The following POLI variants were observed in gnomAD, a reference collection of about 807,000 sequenced individuals.
POLI encodes the protein DNA polymerase iota, also known as RAD30 homolog B.
A neutral mutation model predicts 51.6 loss-of-function variants in POLI; 58 were observed. The ratio of observed to expected loss-of-function variants is 1.12; its 90% CI spans 0.91 to 1.40. POLI has a LOEUF of 1.40. Ranked by LOEUF, POLI falls within the 40% of genes most tolerant of loss-of-function variation. The probability of loss-of-function intolerance (pLI) is 0.00; values close to 1 mark genes in which losing one functional copy is unlikely to be tolerated. For missense variants in POLI, 921 were observed against 871.3 expected (o/e 1.06, Z -0.72); for synonymous variants, 322 against 299.7 (o/e 1.07, Z -0.77).
rs774044588 is a variant in POLI, at chr18:54,296,826, C to G, written c.*2359C>G. On this transcript the variant is annotated 3_prime_UTR_variant, in exon 10 of 10. Coordinates refer to ENST00000579534, the MANE Select transcript of POLI (RefSeq NM_007195.3). ...TTTTTAACTTCCCGTTTACTCATTA[C>G]AGTCCCTTGTAAGTCTGTTTCTAAT... The G allele has an allele frequency of 4.9e-5, 29 of 592,204 alleles. No individual in the cohort carries two copies. The highest frequency in any genetic ancestry group is 5.9e-5 in the Non-Finnish European group (28 of 473,558). The allele number at this position is 592,204 out of a possible 1,614,324, so 36.7% of individuals were successfully genotyped here. A position where few individuals can be genotyped will look rare whatever the true frequency, so the allele number is the denominator to read the frequency against.
intron 4 of POLI, among the ~76,000 whole-genome samples, chr18:54,278,668 A>T (rs1398550877): frequency 6.6e-6 from 1 of 152,226 alleles, no homozygotes; most frequent in Non-Finnish European, 1.5e-5. Flanking sequence ...TCCTTCATAT[A>T]TTGAGATATG....
In POLI at chr18:54,297,877, T is replaced by G; in HGVS notation, c.*3410T>G. 2 of 981,356 alleles carry G rather than the reference T, an allele frequency of 2.0e-6. No homozygotes were observed. Among genetic ancestry groups the G allele is most frequent in the Non-Finnish European group, 2.4e-6 (2 of 826,164 alleles). The allele number at this position is 981,356 out of a possible 1,614,324, so 60.8% of individuals were successfully genotyped here. A position where few individuals can be genotyped will look rare whatever the true frequency, so the allele number is the denominator to read the frequency against. ...TGATGGGACATGGTGGGGGCTTACCTTTTTTCTTGTGTGTCAGATGTTCCT... is the reference window on the plus strand; with the variant it reads ...TGATGGGACATGGTGGGGGCTTACCGTTTTTCTTGTGTGTCAGATGTTCCT... On this transcript the variant is annotated 3_prime_UTR_variant, in exon 10 of 10. Coordinates refer to ENST00000579534, the MANE Select transcript of POLI (RefSeq NM_007195.3).
chr18:54,279,418 T>C (rs1254175816), intron 4 of POLI, among the ~76,000 whole-genome samples: 1 of 152,076 alleles, frequency 6.6e-6, no homozygotes, highest in Non-Finnish European at 1.5e-5. Context: ...AATTTTTTTA[T>C]TTTTAGTAGA....
intron 3 of POLI, among the ~76,000 whole-genome samples, chr18:54,315,879 A>G (rs2088728485): frequency 6.6e-6 from 1 of 151,498 alleles, no homozygotes; most frequent in South Asian, 2.1e-4. Flanking sequence ...AAGACAGCAG[A>G]CAGTTGGGTC....
In POLI at chr18:54,297,113, G is replaced by A. The variant is rs2088369200; in HGVS notation, c.*2646G>A. On this transcript the variant is annotated 3_prime_UTR_variant, in exon 10 of 10. Coordinates refer to ENST00000579534, the MANE Select transcript of POLI (RefSeq NM_007195.3). The stretch of plus-strand genomic sequence containing the variant: ...CCTGATTGAATGCCTTGTCTTAAGT[G>A]TAAGCTCCCTGACCCTTACTACTAG... The A allele has an allele frequency of 1.0e-6, 1 of 985,256 alleles. No individual in the cohort carries two copies. Among genetic ancestry groups the A allele is most frequent in the Non-Finnish European group, 1.2e-6 (1 of 829,928 alleles). 61.0% of individuals were successfully genotyped at this position (985,256 alleles called of 1,614,324 possible). A position where few individuals can be genotyped will look rare whatever the true frequency, so the allele number is the denominator to read the frequency against.
At chr18:54,307,780 C>T (rs2088612299) in intron 3 of POLI, among the ~76,000 whole-genome samples, 1 of 152,092 alleles carries the variant, frequency 6.6e-6, no homozygotes, top group Non-Finnish European at 1.5e-5. Flanking sequence ...GTATTGGGTG[C>T]ATATATATTT....
At chr18:54,314,153 C>T (rs1363244375) in intron 3 of POLI, among the ~76,000 whole-genome samples, 1 of 152,102 alleles carries the variant, frequency 6.6e-6, no homozygotes, top group African/African-American at 2.4e-5. Context: ...GGGCTTTTAT[C>T]ATGAGGGGAT....
At chr18:54,314,238 A>T (rs910813933) in intron 3 of POLI, among the ~76,000 whole-genome samples, 1 of 151,564 alleles carries the variant, frequency 6.6e-6, no homozygotes, top group Non-Finnish European at 1.5e-5. Context: ...TCTTCCTGGG[A>T]TGCAAAGTTG....
chr18:54,297,670 G>T lies in POLI; in HGVS notation c.*3203G>T. 1.0e-6 allele frequency: 1 copy of T among 975,358 alleles called. No individual in the cohort carries two copies. The highest frequency in any genetic ancestry group is 1.2e-6 in the Non-Finnish European group (1 of 820,908). 60.4% of individuals were successfully genotyped at this position (975,358 alleles called of 1,614,324 possible). On this transcript the variant is annotated 3_prime_UTR_variant, in exon 10 of 10. Coordinates refer to ENST00000579534, the MANE Select transcript of POLI (RefSeq NM_007195.3). ...TTTAATCATATATTTTCCCTTTACT[G>T]ATTTGGAATGTGAATGTTACAAGTC... is the stretch of plus-strand genomic sequence containing the variant.
At chr18:54,288,333 G>T (rs1011083149) in intron 8 of POLI, among the ~76,000 whole-genome samples, 1 of 151,930 alleles carries the variant, frequency 6.6e-6, no homozygotes, top group Non-Finnish European at 1.5e-5. Context: ...TCTGTTTTCT[G>T]TTAGAAGTTT....
At chr18:54,284,685 A>G (rs184462355) in intron 7 of POLI, 1 of 152,538 alleles carries the variant, frequency 6.6e-6, no homozygotes, top group African/African-American at 2.4e-5. Context: ...AATGGAGTCG[A>G]AGGAAAGAAT....
At chr18:54,317,449 G>T (rs1053329271) in intron 3 of POLI, among the ~76,000 whole-genome samples, 1 of 152,154 alleles carries the variant, frequency 6.6e-6, no homozygotes, top group Non-Finnish European at 1.5e-5. Context: ...AAAAAATGAA[G>T]TATATTAAGA....
Position 54,313,438 on chromosome 18 carries a change from G to C in POLI, c.334-6835G>C, listed in dbSNP as rs551233906. Among the ~76,000 whole-genome samples, 101 of 152,118 alleles carry C rather than the reference G, an allele frequency of 6.6e-4. 1 individual carries two copies. Among genetic ancestry groups the C allele is most frequent in the African/African-American group, 2.4e-3 (99 of 41,520 alleles). ...GCTTAGGATTGCTTTGGCTATTTGG[G>C]CTTTTTTTTGGTTTTGTATGAATTT... On this transcript the variant is annotated intron_variant, in intron 3 of 4. Coordinates refer to the POLI transcript ENST00000579823.
intron 7 of POLI, 71 bp from the exon 8 acceptor site, chr18:54,287,210 A>G (rs2087787218): frequency 9.0e-7 from 1 of 1,114,340 alleles, no homozygotes; most frequent in South Asian, 1.5e-5. Flanking sequence ...CTTTAGATAA[A>G]TGAGATGTTA....
intron 7 of POLI, among the ~76,000 whole-genome samples, chr18:54,285,192 A>G (rs977484212): frequency 2.0e-5 from 3 of 152,180 alleles, no homozygotes; most frequent in Admixed American, 1.3e-4. Flanking sequence ...CTCCCGTGAT[A>G]TGACTCAGGC....
downstream of POLI, among the ~76,000 whole-genome samples, chr18:54,300,688 A>G (rs1036269991): frequency 1.3e-5 from 2 of 152,174 alleles, no homozygotes; most frequent in African/African-American, 4.8e-5. Flanking sequence ...TGCATGAAAA[A>G]GTAGGACCCA....
chr18:54,292,886 A>G (rs1436627807), intron 9 of POLI, among the ~76,000 whole-genome samples: 4 of 152,074 alleles, frequency 2.6e-5, no homozygotes, highest in African/African-American at 9.6e-5. Flanking sequence ...AATTGGAATT[A>G]AAAGTGCTCA....
intron 3 of POLI, among the ~76,000 whole-genome samples, chr18:54,314,872 T>G (rs1739053831): frequency 1.3e-5 from 2 of 152,072 alleles, no homozygotes; most frequent in Non-Finnish European, 2.9e-5. Flanking sequence ...GTTAATCTGA[T>G]TAGTGGTCTA....
At chr18:54,309,669 A>G (rs1340812219) in intron 3 of POLI, among the ~76,000 whole-genome samples, 4 of 152,186 alleles carry the variant, frequency 2.6e-5, no homozygotes, top group African/African-American at 9.6e-5. Context: ...TAGTTCAGCT[A>G]TGCCCTGCCC....
Sources: gnomAD v4.1 joint callset for allele counts (sites outside exome capture counted in the v4.1 genomes callset) on GRCh38, gnomAD v4.1.1 for gene constraint, MANE v1.5 for transcripts, NCBI Gene and HGNC (gene_info 2026-07-23, HGNC 2026-07-21) for gene names.